The following TMEM131 variants were observed in gnomAD, a reference collection of about 807,000 sequenced individuals.
The protein encoded by TMEM131 is transmembrane protein 131.
In TMEM131, 66 loss-of-function variants were observed where a neutral mutation model predicts 211.6. The observed-to-expected ratio is 0.31, with a 90% CI of 0.26 to 0.38. The LOEUF is 0.38. Among genes scored for constraint, TMEM131 ranks in the 10% least tolerant of loss-of-function variants. The probability of loss-of-function intolerance (pLI) is 1.00; values close to 1 mark genes in which losing one functional copy is unlikely to be tolerated. For missense variants in TMEM131, 2,036 were observed against 2,299.3 expected (o/e 0.89, Z 2.34); for synonymous variants, 844 against 841.3 (o/e 1.00, Z -0.06).
chr2:97,812,253 A>ACC (rs749761024), intron 17 of TMEM131, among the ~76,000 whole-genome samples, 168 bp downstream of exon 17: 29 of 152,374 alleles, frequency 1.9e-4, no homozygotes, highest in South Asian at 4.1e-4. Flanking sequence ...CTCATCATAA[A>ACC]AATAGGGGGT....
Position 97,771,196 on chromosome 2 carries a change from A to G in TMEM131, c.4448+1101T>C, listed in dbSNP as rs1370543207. ...GTGGGACCTGGTCACTTGAACTAAC[A>G]ATTGCCACAAAAGAGTAAATTTTAG... On this transcript the variant is annotated intron_variant, in intron 33 of 40. Transcript: ENST00000186436. 2.6e-5 allele frequency among the ~76,000 whole-genome samples: 4 copies of G among 152,182 alleles called. No homozygotes were observed. The South Asian group carries it at 6.2e-4, about 24-fold the overall frequency.
At chr2:97,995,330 G>A in intron 1 of TMEM131, 146 bp downstream of exon 1, 1 of 733,838 alleles carries the variant, frequency 1.4e-6, no homozygotes, top group Non-Finnish European at 1.9e-6. Flanking sequence ...GGCGGGCGCC[G>A]CGAGGTCCCG....
At chr2:97,944,665 A>G (rs775086507) in intron 1 of TMEM131, among the ~76,000 whole-genome samples, 35 of 152,318 alleles carry the variant, frequency 2.3e-4, no homozygotes, top group Non-Finnish European at 4.6e-4. Context: ...CTGACTAGAC[A>G]TTTCTCCAAA....
chr2:97,808,890 T>C (rs912458245), intron 19 of TMEM131, among the ~76,000 whole-genome samples: 1 of 152,094 alleles, frequency 6.6e-6, no homozygotes, highest in African/African-American at 2.4e-5. Context: ...CAGGAGTTCT[T>C]TGAAGGAAGG....
At chr2:97,761,097 G>A in intron 36 of TMEM131, 183 bp from the exon 37 acceptor site, 1 of 686,882 alleles carries the variant, frequency 1.5e-6, no homozygotes. Flanking sequence ...CAGAGATAGA[G>A]GGCTTTCTGG....
At chr2:97,860,245 A>G (rs956408820) in intron 4 of TMEM131, among the ~76,000 whole-genome samples, 1 of 152,144 alleles carries the variant, frequency 6.6e-6, no homozygotes, top group Admixed American at 6.6e-5. Flanking sequence ...CAACCTAAAC[A>G]AGTAACCCTG....
chr2:97,871,477 A>G (rs1030848622), intron 4 of TMEM131, among the ~76,000 whole-genome samples: 10 of 152,258 alleles, frequency 6.6e-5, no homozygotes, highest in Non-Finnish European at 1.2e-4. Context: ...CTGGGAGATC[A>G]TAAGGTTTCT....
intron 32 of TMEM131, among the ~76,000 whole-genome samples, chr2:97,774,348 G>C (rs1441762146): frequency 2.0e-5 from 3 of 152,254 alleles, no homozygotes; most frequent in African/African-American, 4.8e-5. Context: ...AACAGAATTG[G>C]AGAAGACATG....
At chr2:97,894,626 T>C (rs1465026471) in intron 3 of TMEM131, among the ~76,000 whole-genome samples, 1 of 152,166 alleles carries the variant, frequency 6.6e-6, no homozygotes, top group Admixed American at 6.5e-5. Flanking sequence ...TCCTAGGTAT[T>C]TTGTTCTCTT....
At chr2:97,837,216 T>C in intron 7 of TMEM131, 59 bp from the exon 8 acceptor site, 1 of 1,268,130 alleles carries the variant, frequency 7.9e-7, no homozygotes. Flanking sequence ...AGCAGGTGAC[T>C]TGCTATTACA....
intron 17 of TMEM131, among the ~76,000 whole-genome samples, chr2:97,811,482 G>T (rs1244507611): frequency 6.6e-6 from 1 of 152,142 alleles, no homozygotes; most frequent in South Asian, 2.1e-4. Flanking sequence ...TGGTCCTCTT[G>T]CTAATAAAGC....
chr2:97,758,859 G>C, intron 40 of TMEM131, 34 bp downstream of exon 40: 1 of 1,579,658 alleles, frequency 6.3e-7, no homozygotes, highest in African/African-American at 1.3e-5. Context: ...GGGTGGGCCA[G>C]GTCCAGGCCC....
intron 1 of TMEM131, among the ~76,000 whole-genome samples, chr2:97,992,928 C>A (rs1680327393): frequency 6.6e-6 from 1 of 152,160 alleles, no homozygotes. Context: ...CCAAAACCAT[C>A]TCAAAGGTAC....
intron 11 of TMEM131, among the ~76,000 whole-genome samples, chr2:97,820,000 CTGATTATA>C (rs1184934867): frequency 6.6e-6 from 1 of 152,206 alleles, no homozygotes; most frequent in Admixed American, 6.5e-5. Flanking sequence ...GGGTACGGAT[CTGATTATA>C]TGATAATGAT....
chr2:97,822,924 G>A (rs1176180571), intron 11 of TMEM131, among the ~76,000 whole-genome samples: 2 of 152,036 alleles, frequency 1.3e-5, no homozygotes, highest in Non-Finnish European at 1.5e-5. Context: ...ATTTTTTTCT[G>A]CACTACGGCC....
chr2:97,923,579 G>A (rs1379365094), intron 2 of TMEM131, among the ~76,000 whole-genome samples: 5 of 141,510 alleles, frequency 3.5e-5, no homozygotes, highest in Non-Finnish European at 6.0e-5. Context: ...CCATGATTGT[G>A]CCACTGGCCT....
intron 1 of TMEM131, among the ~76,000 whole-genome samples, chr2:97,953,691 T>C (rs1482321609): frequency 1.3e-5 from 2 of 152,144 alleles, no homozygotes; most frequent in African/African-American, 2.4e-5. Flanking sequence ...CACTCCACCC[T>C]ACAACAGAAT....
intron 11 of TMEM131, among the ~76,000 whole-genome samples, chr2:97,819,888 C>A (rs1682028851): frequency 6.6e-6 from 1 of 152,232 alleles, no homozygotes; most frequent in African/African-American, 2.4e-5. Context: ...GTGAAATCTG[C>A]CTCAACAGAA....
chr2:97,911,861 A>T (rs1224562055), intron 2 of TMEM131, among the ~76,000 whole-genome samples: 1 of 152,206 alleles, frequency 6.6e-6, no homozygotes, highest in African/African-American at 2.4e-5. Context: ...GCAATTTGAG[A>T]AATAAAGGCA....
Sources: gnomAD v4.1 joint callset for allele counts (sites outside exome capture counted in the v4.1 genomes callset) on GRCh38, gnomAD v4.1.1 for gene constraint, MANE v1.5 for transcripts, NCBI Gene and HGNC (gene_info 2026-07-23, HGNC 2026-07-21) for gene names.